CFAP58: variants seen among roughly 807,000 people sequenced by gnomAD.
The protein encoded by CFAP58 is cilia and flagella associated protein 58.
A neutral mutation model predicts 119.5 loss-of-function variants in CFAP58; 88 were observed. The observed-to-expected ratio is 0.74, with a 90% CI of 0.62 to 0.88. The LOEUF (loss-of-function observed/expected upper bound fraction) is 0.88. Ranked by LOEUF, CFAP58 falls within the 40% of genes least tolerant of loss-of-function variation. CFAP58 has a pLI of 0.00. For synonymous variants in CFAP58, 365 were observed against 366.3 expected, an observed-to-expected ratio of 1.00 and a Z score of 0.04; for missense variants, 990 against 1,021.2, an observed-to-expected ratio of 0.97 and a Z score of 0.42.
At chr10:104,357,745 T>C (rs1386679291) in intron 1 of CFAP58, among the ~76,000 whole-genome samples, 4 of 151,844 alleles carry the variant, frequency 2.6e-5, no homozygotes, top group Admixed American at 2.6e-4. Flanking sequence ...ATATGTAATG[T>C]GTATAAATGT....
the CFAP58 span, among the ~76,000 whole-genome samples, chr10:104,341,722 A>G: frequency 6.6e-6 from 1 of 151,994 alleles, no homozygotes; most frequent in African/African-American, 2.4e-5. Context: ...CCAGCAGCAC[A>G]CCAAAGAATA....
chr10:104,444,066 CAAAGAG>C (rs1377632026), intron 15 of CFAP58, among the ~76,000 whole-genome samples: 2 of 152,140 alleles, frequency 1.3e-5, no homozygotes, highest in Non-Finnish European at 2.9e-5. Flanking sequence ...CATGCTTAGC[CAAAGAG>C]AAAGCTAGTA....
At chr10:104,431,135 A>G (rs1020947791) in intron 15 of CFAP58, among the ~76,000 whole-genome samples, 1 of 152,212 alleles carries the variant, frequency 6.6e-6, no homozygotes, top group Non-Finnish European at 1.5e-5. Context: ...AGTGGCAGAG[A>G]GTTGTTTAGT....
intron 2 of CFAP58, 150 bp downstream of exon 2, chr10:104,358,772 C>A: frequency 3.1e-6 from 2 of 637,538 alleles, no homozygotes; most frequent in Non-Finnish European, 4.9e-6. Flanking sequence ...TGTTCATTTT[C>A]AAAGAAAATG....
At chr10:104,343,211 G>A in the CFAP58 span, among the ~76,000 whole-genome samples, 19 of 152,342 alleles carry the variant, frequency 1.2e-4, no homozygotes, top group Middle Eastern at 3.4e-3. Flanking sequence ...AGACCTCAGA[G>A]GTGTCAGTTG....
intron 11 of CFAP58, among the ~76,000 whole-genome samples, chr10:104,396,438 G>A (rs2012162238): frequency 1.8e-5 from 2 of 112,186 alleles, no homozygotes; most frequent in Non-Finnish European, 3.6e-5. Flanking sequence ...GAGAGAGAGA[G>A]AAAGAGAGAG....
intron 13 of CFAP58, among the ~76,000 whole-genome samples, chr10:104,403,485 ATGACTC>A (rs1311276032): frequency 6.7e-6 from 1 of 149,236 alleles, no homozygotes; most frequent in African/African-American, 2.5e-5. Context: ...ATCCAGAACC[ATGACTC>A]TGACTCTGAA....
In CFAP58 at chr10:104,392,291, A is replaced by G. The variant is rs1484355342; in HGVS notation, c.1424A>G (p.Lys475Arg). Reference protein sequence around the residue: ...VRETQIFDYRKKIAESEIKLK... With the variant: ...VRETQIFDYRRKIAESEIKLK... Reference sequence around the variant, plus strand: ...GAAACACAGATTTTTGACTACAGGAAAAAAATAGCTGAATCAGAGATTAAA... The same window carrying G: ...GAAACACAGATTTTTGACTACAGGAGAAAAATAGCTGAATCAGAGATTAAA... The change falls in exon 10 of 18, where the codon AAA (lysine) becomes AGA (arginine). Residue 475 changes from lysine (K) to arginine (R), a missense_variant. Transcript: ENST00000369704. The G allele has an allele frequency of 1.2e-6, 2 of 1,613,076 alleles. No homozygotes were observed. Among genetic ancestry groups the G allele is most frequent in the African/African-American group, 2.7e-5 (2 of 74,880 alleles).
chr10:104,410,812 C>T (rs933821045), intron 15 of CFAP58, among the ~76,000 whole-genome samples: 1 of 152,168 alleles, frequency 6.6e-6, no homozygotes. Context: ...TTCACTCCTC[C>T]TGGAACTCTT....
At chr10:104,381,615 A>T (rs966211694) in intron 9 of CFAP58, among the ~76,000 whole-genome samples, 1 of 150,876 alleles carries the variant, frequency 6.6e-6, no homozygotes, top group Admixed American at 6.6e-5. Context: ...TTGCATGCTT[A>T]AATTTTTTTT....
chr10:104,352,717 T>C (rs1589903676), upstream of CFAP58, among the ~76,000 whole-genome samples: 1 of 152,198 alleles, frequency 6.6e-6, no homozygotes, highest in Admixed American at 6.5e-5. Context: ...ACTTGATGTA[T>C]TGGAGAATTA....
intron 15 of CFAP58, among the ~76,000 whole-genome samples, chr10:104,426,193 G>T (rs1356447482): frequency 6.6e-6 from 1 of 152,154 alleles, no homozygotes; most frequent in Non-Finnish European, 1.5e-5. Context: ...GAGCTGTGAT[G>T]GTTTCAGTGC....
Position 104,364,799 on chromosome 10 carries a change from G to A in CFAP58, c.507G>A (p.Val169=). Residue 169 remains valine, a synonymous_variant, in exon 4 of 18, where the codon GTG becomes GTA. Transcript: ENST00000369704. ...TKERDQLLSE[V]VKLRESLAQT... is the part of the protein sequence containing the mutation. ...AGAGAGACCAGCTCTTATCAGAAGT[G>A]GTAAAATTACGAGAATCCCTAGCTC... 6.2e-7 allele frequency: 1 copy of A among 1,612,468 alleles called. No homozygotes were observed. Among genetic ancestry groups the A allele is most frequent in the South Asian group, 1.1e-5 (1 of 90,998 alleles).
rs530704390 is a variant in CFAP58, at chr10:104,399,402, C to A, written c.1717C>A (p.His573Asn). 1 of 1,613,740 alleles carries A rather than the reference C, an allele frequency of 6.2e-7. No individual in the cohort carries two copies. Among genetic ancestry groups the A allele is most frequent in the Non-Finnish European group, 8.5e-7 (1 of 1,179,760 alleles). The change falls in exon 12 of 18, where the codon CAC (histidine) becomes AAC (asparagine). Residue 573 changes from histidine to asparagine, a missense_variant. Physicochemically the swap from His to Asn is moderately conservative, Grantham distance 68. Coordinates refer to ENST00000369704, the MANE Select transcript of CFAP58 (RefSeq NM_001008723.2). The part of the protein sequence containing the change: ...KLRQQALETK[H>N]FIEKQEAEER... ...GAGACAACAAGCCCTGGAGACAAAACACTTTATTGAAAAGCAAGAAGCTGA... is the reference window on the plus strand; with the variant it reads ...GAGACAACAAGCCCTGGAGACAAAAAACTTTATTGAAAAGCAAGAAGCTGA...
chr10:104,444,908 A>G (rs920681599), intron 15 of CFAP58, among the ~76,000 whole-genome samples: 2 of 152,160 alleles, frequency 1.3e-5, no homozygotes, highest in African/African-American at 2.4e-5. Flanking sequence ...GACTTTGACT[A>G]CCCAGACAGC....
chr10:104,451,059 C>T (rs1010594152), intron 17 of CFAP58, among the ~76,000 whole-genome samples: 142 of 152,194 alleles, frequency 9.3e-4, no homozygotes, highest in Middle Eastern at 3.4e-3. Context: ...GGGTGAAAAT[C>T]GGGGCCCAAA....
At chr10:104,453,594 T>G (rs751079378) in intron 17 of CFAP58, among the ~76,000 whole-genome samples, 3 of 152,182 alleles carry the variant, frequency 2.0e-5, no homozygotes, top group Non-Finnish European at 4.4e-5. Flanking sequence ...GACAGTTTGT[T>G]CCCCTAGGGT....
Position 104,370,993 on chromosome 10 carries a change from A to G in CFAP58, c.1029A>G (p.Gln343=), listed in dbSNP as rs778851662. Residue 343 remains glutamine (Q), a synonymous_variant, in exon 7 of 18, where the codon CAA becomes CAG. Coordinates refer to ENST00000369704, the MANE Select transcript of CFAP58 (RefSeq NM_001008723.2). ...IHKKLHHTED[Q]KAEVEQHKET... ...AGAAATTGCACCACACCGAAGATCAAAAGGCAGAAGTCGAACAGCACAAAG... is the reference window on the plus strand; with the variant it reads ...AGAAATTGCACCACACCGAAGATCAGAAGGCAGAAGTCGAACAGCACAAAG... 7 of 1,613,730 alleles carry G rather than the reference A, an allele frequency of 4.3e-6. No individual in the cohort carries two copies. The East Asian group carries it at 1.3e-4, about 31-fold the overall frequency.
At chr10:104,398,293 C>T (rs1677205587) in intron 11 of CFAP58, among the ~76,000 whole-genome samples, 1 of 152,188 alleles carries the variant, frequency 6.6e-6, no homozygotes, top group African/African-American at 2.4e-5. Context: ...ATTTGGAACT[C>T]TTGGGTGGTG....
Sources: allele counts gnomAD v4.1 joint callset (sites outside exome capture counted in the v4.1 genomes callset), GRCh38; gene constraint gnomAD v4.1.1; transcripts MANE v1.5; gene names NCBI Gene and HGNC (gene_info 2026-07-23, HGNC 2026-07-21).